The following FHAD1 variants were observed in gnomAD, a reference collection of about 807,000 sequenced individuals.
FHAD1 encodes the protein forkhead-associated domain-containing protein 1.
Under a neutral mutation model 191.3 loss-of-function variants are expected in FHAD1, and 146 were observed. That is an observed-to-expected ratio of 0.76 (90% confidence interval 0.67 to 0.88). FHAD1 has a LOEUF of 0.88. Among genes scored for constraint, FHAD1 ranks in the 40% least tolerant of loss-of-function variants. FHAD1 has a pLI of 0.00. For synonymous variants in FHAD1, 616 were observed against 672.3 expected, an observed-to-expected ratio of 0.92 and a Z score of 1.29; for missense variants, 1,635 against 1,785.8, an observed-to-expected ratio of 0.92 and a Z score of 1.52.
chr1:15,390,038 G>T (rs1300784311), intron 32 of FHAD1, among the ~76,000 whole-genome samples: 1 of 152,116 alleles, frequency 6.6e-6, no homozygotes, highest in African/African-American at 2.4e-5. Context: ...TGCCTCATTT[G>T]GTCCATTTCA....
chr1:15,293,839 C>CT (rs1283300310), intron 4 of FHAD1, among the ~76,000 whole-genome samples: 4 of 148,662 alleles, frequency 2.7e-5, no homozygotes, highest in Non-Finnish European at 6.0e-5. Flanking sequence ...GATGCTGTTT[C>CT]TTTCTTTTTT....
chr1:15,373,187 A>G (rs1167245425), intron 26 of FHAD1, among the ~76,000 whole-genome samples: 1 of 152,202 alleles, frequency 6.6e-6, no homozygotes, highest in Non-Finnish European at 1.5e-5. Context: ...GCATGCTTCC[A>G]AATCTTAAAA....
chr1:15,352,948 G>T lies in FHAD1; in HGVS notation c.2526G>T (p.Val842=), dbSNP rs575789644. Residue 842 remains valine (V), a synonymous_variant, in exon 20 of 34, where the codon GTG becomes GTT. Transcript: ENST00000688493. ...CCATGGAGAAGGAAAAGAAAAAGGTGCAAGACCTGGAGAATCGCTTAACCA... is the reference window on the plus strand; with the variant it reads ...CCATGGAGAAGGAAAAGAAAAAGGTTCAAGACCTGGAGAATCGCTTAACCA... The part of the protein sequence containing the change: ...KEAMEKEKKK[V]QDLENRLTKQ... 5 of 1,551,408 alleles carry T rather than the reference G, an allele frequency of 3.2e-6. No individual in the cohort carries two copies. Among genetic ancestry groups the T allele is most frequent in the South Asian group, 2.4e-5 (2 of 84,038 alleles).
intron 3 of FHAD1, among the ~76,000 whole-genome samples, chr1:15,277,774 C>T (rs1166485013): frequency 1.3e-5 from 2 of 152,130 alleles, no homozygotes; most frequent in Non-Finnish European, 2.9e-5. Context: ...ATCTTTTCAC[C>T]AGGGATGCTG....
chr1:15,267,582 T>C (rs1348781595), intron 2 of FHAD1, among the ~76,000 whole-genome samples: 1 of 151,984 alleles, frequency 6.6e-6, no homozygotes, highest in Non-Finnish European at 1.5e-5. Flanking sequence ...CATCTGGGCC[T>C]GGTGCTTTCT....
chr1:15,256,416 G>C (rs1391702124), intron 2 of FHAD1, among the ~76,000 whole-genome samples: 1 of 152,142 alleles, frequency 6.6e-6, no homozygotes, highest in African/African-American at 2.4e-5. Context: ...ACTTTGGGAG[G>C]CCGAGGCGGG....
rs145134411 is a variant in FHAD1 at position 15,375,732 on chromosome 1, TA to T, written c.3705+4del. 5.8e-4 allele frequency: 893 copies of T among 1,529,836 alleles called. 5 individuals are homozygous for T. The African/African-American group carries it at 0.012, about 20-fold the overall frequency. The allele number at this position is 1,529,836 out of a possible 1,614,324, so 94.8% of individuals were successfully genotyped here. A position where few individuals can be genotyped will look rare whatever the true frequency, so the allele number is the denominator to read the frequency against. On this transcript the variant is annotated splice_donor_region_variant and intron_variant, in intron 28 of 33. Coordinates refer to ENST00000688493, the MANE Select transcript of FHAD1 (RefSeq NM_001391957.1). Reference sequence around the variant, plus strand: ...CTCTCAAGAATAGAGATCCTAGCGGTAACCAAAGAAAATTCTCTCTGCTGTG... The same window carrying T: ...CTCTCAAGAATAGAGATCCTAGCGGTACCAAAGAAAATTCTCTCTGCTGTG...
Position 15,289,671 on chromosome 1 carries a change from G to C in FHAD1, c.568+5G>C. 6.5e-7 allele frequency: 1 copy of C among 1,541,968 alleles called. No homozygotes were observed. The highest frequency in any genetic ancestry group is 1.4e-5 in the African/African-American group (1 of 73,040). The stretch of plus-strand genomic sequence containing the variant: ...AGCCACCCGTCATCAAGCAAGGTAT[G>C]CGTCAGGGCTGCCATTGGTGGCTTG... On this transcript the variant is annotated splice_donor_5th_base_variant and intron_variant, in intron 4 of 33. Transcript: ENST00000688493. This position sits in a 1 kb window ranked among gnomAD's most constrained non-coding sequence, Gnocchi z 4.2.
chr1:15,383,060 G>A (rs965050238), intron 31 of FHAD1: 9 of 471,368 alleles, frequency 1.9e-5, no homozygotes, highest in Non-Finnish European at 3.1e-5. Flanking sequence ...GCATGGTACA[G>A]GAGTCAGCCG....
chr1:15,249,003 G>A (rs185234845), intron 1 of FHAD1, among the ~76,000 whole-genome samples: 1 of 152,304 alleles, frequency 6.6e-6, no homozygotes, highest in East Asian at 1.9e-4. Context: ...AACAAAATCT[G>A]TCAGTGTCTT....
Position 15,362,642 on chromosome 1 carries a change from C to T in FHAD1, c.2963C>T (p.Ala988Val). Residue 988 changes from alanine (A) to valine (V), a missense_variant and splice_region_variant, in exon 23 of 34, where the codon GCC becomes GTC. Ala to Val is a moderately conservative substitution (Grantham distance 64). Coordinates refer to ENST00000688493, the MANE Select transcript of FHAD1 (RefSeq NM_001391957.1). ...EIATLKDNDP[A>V]PKEERPQDPL... ...ATGATCACATGTCCCTCTGATACAG[C>T]CCCAAAGGAGGAAAGGCCGCAAGAC... The T allele has an allele frequency of 1.9e-6, 3 of 1,551,166 alleles. No individual in the cohort carries two copies. The highest frequency in any genetic ancestry group is 2.6e-6 in the Non-Finnish European group (3 of 1,146,432).
intron 21 of FHAD1, among the ~76,000 whole-genome samples, chr1:15,358,628 T>A (rs891696418): frequency 1.3e-5 from 2 of 152,182 alleles, no homozygotes; most frequent in African/African-American, 4.8e-5. Flanking sequence ...TGTTCTGAGA[T>A]GTTGTAATGC....
chr1:15,360,671 G>A lies in FHAD1; in HGVS notation c.2930G>A (p.Gly977Asp), dbSNP rs1558226415. The A allele has an allele frequency of 1.9e-6, 3 of 1,551,786 alleles. No individual in the cohort carries two copies. Among genetic ancestry groups the A allele is most frequent in the Non-Finnish European group, 2.6e-6 (3 of 1,147,008 alleles). Residue 977 changes from glycine to aspartate, a missense_variant, in exon 22 of 34, where the codon GGC becomes GAC. Physicochemically the swap from Gly to Asp is moderately conservative, Grantham distance 94. Coordinates refer to ENST00000688493, the MANE Select transcript of FHAD1 (RefSeq NM_001391957.1). ...ACTCAGCACCATAAAAAAATAGAAG[G>A]CGAGATTGCAACATTGAAGGACAAT... ...KVTQHHKKIE[G>D]EIATLKDNDP...
At chr1:15,359,574 A>G (rs1452890794) in intron 21 of FHAD1, among the ~76,000 whole-genome samples, 1 of 152,124 alleles carries the variant, frequency 6.6e-6, no homozygotes, top group Admixed American at 6.5e-5. Flanking sequence ...CTGGCTGAGC[A>G]CAGTGGCTCA....
At chr1:15,386,344 G>A (rs961947561) in intron 31 of FHAD1, among the ~76,000 whole-genome samples, 7 of 152,204 alleles carry the variant, frequency 4.6e-5, no homozygotes, top group African/African-American at 1.4e-4. Context: ...ACTTTTTCCC[G>A]GGTCCTCCTA....
intron 9 of FHAD1, among the ~76,000 whole-genome samples, chr1:15,317,390 G>T (rs1170332612): frequency 6.6e-6 from 1 of 152,102 alleles, no homozygotes; most frequent in Non-Finnish European, 1.5e-5. Flanking sequence ...CGTTCCTCCA[G>T]GCCAGGAACA....
At chr1:15,355,220 A>G (rs1328357743) in intron 20 of FHAD1, among the ~76,000 whole-genome samples, 2 of 151,966 alleles carry the variant, frequency 1.3e-5, no homozygotes, top group African/African-American at 4.8e-5. Context: ...AAAAAAAAAA[A>G]AAAGAAAGTG....
chr1:15,257,851 G>C (rs76289560), intron 2 of FHAD1, among the ~76,000 whole-genome samples: 2,356 of 152,106 alleles, frequency 0.015, 64 homozygotes, highest in East Asian at 0.1. Flanking sequence ...TTTTTGGGGG[G>C]AGGGGAGACA....
intron 4 of FHAD1, among the ~76,000 whole-genome samples, chr1:15,293,820 G>A (rs1665955357): frequency 6.6e-6 from 1 of 152,182 alleles, no homozygotes; most frequent in Non-Finnish European, 1.5e-5. Flanking sequence ...TCGTCCATTG[G>A]TAGACACAGA....
Sources: allele counts gnomAD v4.1 joint callset (sites outside exome capture counted in the v4.1 genomes callset), GRCh38; gene constraint gnomAD v4.1.1; non-coding constraint Gnocchi (gnomAD v3.1); transcripts MANE v1.5; gene names NCBI Gene and HGNC (gene_info 2026-07-23, HGNC 2026-07-21).